Variants in GSK3A observed in about 807,000 individuals in gnomAD.
GSK3A encodes the protein glycogen synthase kinase-3 alpha.
A neutral mutation model predicts 56.6 loss-of-function variants in GSK3A; 14 were observed. The ratio of observed to expected loss-of-function variants is 0.25; its 90% CI spans 0.16 to 0.39. The LOEUF (loss-of-function observed/expected upper bound fraction) is 0.39, where lower values mean the gene tolerates loss of function less well. GSK3A is among the 10% of genes least tolerant of loss of function. GSK3A has a pLI of 1.00. For missense variants in GSK3A, 450 were observed against 656.0 expected (o/e 0.69, Z 3.43); for synonymous variants, 301 against 285.0 (o/e 1.06, Z -0.56).
At chr19:42,239,543 A>G (rs1236098910) in intron 2 of GSK3A, among the ~76,000 whole-genome samples, 1 of 152,094 alleles carries the variant, frequency 6.6e-6, no homozygotes, top group Non-Finnish European at 1.5e-5. Context: ...CTCTCCTGGG[A>G]AGAAGTGTAA....
chr19:42,237,010 C>A (rs537649231), intron 2 of GSK3A, 69 bp from the exon 3 acceptor site: 7 of 1,047,368 alleles, frequency 6.7e-6, no homozygotes, highest in South Asian at 6.3e-5. Context: ...CTCACACTCA[C>A]TCCCAACAAC....
intron 2 of GSK3A, among the ~76,000 whole-genome samples, chr19:42,239,363 C>A (rs1450407229): frequency 6.6e-6 from 1 of 152,200 alleles, no homozygotes; most frequent in African/African-American, 2.4e-5. Flanking sequence ...GCTCCAAATG[C>A]CAGGCCCTTA....
chr19:42,241,906 C>T, intron 1 of GSK3A: 3 of 349,150 alleles, frequency 8.6e-6, no homozygotes, highest in Non-Finnish European at 1.5e-5. Context: ...GATACCTGTT[C>T]TTAAGGCTCA....
In GSK3A at chr19:42,242,360, G is replaced by GGCCGCCGCC; in HGVS notation, c.97_105dup (p.Gly33_Gly35dup). The GGCCGCCGCC allele has an allele frequency of 7.1e-7, 1 of 1,405,114 alleles. No homozygotes were observed. The highest frequency in any genetic ancestry group is 9.2e-7 in the Non-Finnish European group (1 of 1,082,568). 87.0% of individuals were successfully genotyped at this position (1,405,114 alleles called of 1,614,324 possible). A position where few individuals can be genotyped will look rare whatever the true frequency, so the allele number is the denominator to read the frequency against. On this transcript the variant is annotated inframe_insertion, in exon 1 of 11. Transcript: ENST00000222330. ...CCTGGGCCGGAGGCCGAGCCTCCGG[G>GGCCGCCGCC]GCCGCCGCCGCCTCCTCCGCCTCCG...
intron 1 of GSK3A, chr19:42,240,464 A>G: frequency 1.8e-6 from 1 of 543,550 alleles, no homozygotes. Context: ...GGGAGACATC[A>G]GATGTTGACT....
rs560563143 is a variant in GSK3A at position 42,242,226 on chromosome 19, G to C, written c.240C>G (p.Pro80=). ...GCGGCGGGAAGCTAGTGCCTGCGCC[G>C]GGGCCTCCGCTGCCTCCTCCGCCGC... ...GGSGGGGSGG[P]GAGTSFPPPG... The change falls in exon 1 of 11, where the codon CCC becomes CCG. Residue 80 remains proline (P), a synonymous_variant. Coordinates refer to ENST00000222330, the MANE Select transcript of GSK3A (RefSeq NM_019884.3). The C allele has an allele frequency of 6.9e-7, 1 of 1,441,824 alleles. No homozygotes were observed. Among genetic ancestry groups the C allele is most frequent in the Non-Finnish European group, 9.1e-7 (1 of 1,102,074 alleles). 89.3% of individuals were successfully genotyped at this position (1,441,824 alleles called of 1,614,324 possible).
At chr19:42,235,299 C>T (rs989253310) in intron 4 of GSK3A, among the ~76,000 whole-genome samples, 26 of 152,164 alleles carry the variant, frequency 1.7e-4, no homozygotes, top group African/African-American at 5.3e-4. Flanking sequence ...TAAGGTACAT[C>T]GGGAGGTTGT....
rs181950614 is a variant in GSK3A at position 42,232,376 on chromosome 19, C to T, written c.1285+120G>A. 3.6e-5 allele frequency: 33 copies of T among 905,838 alleles called. 1 individual carries two copies. The highest frequency in any genetic ancestry group is 3.2e-4 in the East Asian group (12 of 37,870). The allele number at this position is 905,838 out of a possible 1,614,324, so 56.1% of individuals were successfully genotyped here. A position where few individuals can be genotyped will look rare whatever the true frequency, so the allele number is the denominator to read the frequency against. On this transcript the variant is annotated intron_variant, in intron 9 of 10. Transcript: ENST00000222330. The stretch of plus-strand genomic sequence containing the variant: ...ATCTGGGAGTCATCTTTCCTGAGCC[C>T]CAGGCCTGCCTTGTACCCTGCCCTT...
In GSK3A at chr19:42,240,072, A is replaced by C; in HGVS notation, c.354T>G (p.Ala118=). The change falls in exon 2 of 11, where the codon GCT becomes GCG. Residue 118 remains alanine (A), a synonymous_variant. Transcript: ENST00000222330. The part of the protein sequence containing the change: ...GQGPERSQEV[A]YTDIKVIGNG... ...TGCCAATCACTTTGATGTCCGTGTA[A>C]GCCACTTCTTGGGAGCGCTCTGGGC... 1 of 1,614,152 alleles carries C rather than the reference A, an allele frequency of 6.2e-7. No homozygotes were observed. The highest frequency in any genetic ancestry group is 8.5e-7 in the Non-Finnish European group (1 of 1,180,006).
At chr19:42,236,460 G>T (rs78304176) in intron 4 of GSK3A, 146 bp downstream of exon 4, 51,633 of 649,986 alleles carry the variant, frequency 0.079, 2,641 homozygotes, top group South Asian at 0.18. Flanking sequence ...GCTCCATCTC[G>T]GGGGGTTATG....
At chr19:42,240,587 A>G (rs1599813896) in intron 1 of GSK3A, 1 of 248,964 alleles carries the variant, frequency 4.0e-6, no homozygotes, top group East Asian at 8.5e-5. Flanking sequence ...TTAGGAAAGC[A>G]CTAACCTCTC....
chr19:42,236,993 C>T (rs2036261527), intron 2 of GSK3A, 52 bp from the exon 3 acceptor site: 2 of 1,258,416 alleles, frequency 1.6e-6, no homozygotes, highest in Non-Finnish European at 2.3e-6. Context: ...TCGGCTGCTC[C>T]TCCCTACTCA....
intron 2 of GSK3A, among the ~76,000 whole-genome samples, chr19:42,237,771 C>T (rs1207230762): frequency 2.6e-5 from 4 of 151,282 alleles, no homozygotes; most frequent in Non-Finnish European, 2.9e-5. Flanking sequence ...CCCAGCTACT[C>T]GGGAGGCTGA....
At chr19:42,235,439 C>T (rs1324478217) in intron 4 of GSK3A, among the ~76,000 whole-genome samples, 1 of 152,208 alleles carries the variant, frequency 6.6e-6, no homozygotes, top group East Asian at 1.9e-4. Flanking sequence ...ACTCTCCCTC[C>T]CACTGACTAG....
At chr19:42,235,510 T>C (rs1472403384) in intron 4 of GSK3A, among the ~76,000 whole-genome samples, 1 of 152,198 alleles carries the variant, frequency 6.6e-6, no homozygotes, top group Non-Finnish European at 1.5e-5. Flanking sequence ...CCCCAGGGCC[T>C]AGACAGACCA....
At chr19:42,233,250 G>GCCCCCCCCCCCCCCCCA in intron 7 of GSK3A, 36 bp downstream of exon 7, 2 of 1,565,006 alleles carry the variant, frequency 1.3e-6, no homozygotes, top group Admixed American at 1.7e-5. Context: ...CCATCCCTCA[G>GCCCCCCCCCCCCCCCCA]CCCCACCCCC....
intron 8 of GSK3A, 79 bp from the exon 9 acceptor site, chr19:42,232,761 C>A: frequency 8.2e-7 from 1 of 1,224,984 alleles, no homozygotes; most frequent in Non-Finnish European, 1.1e-6. Flanking sequence ...TGCCACAGTG[C>A]CTGCGGCAAG....
rs2036298786 is a variant in GSK3A, at chr19:42,242,347, G to A, written c.119C>T (p.Ala40Val). 1.7e-5 allele frequency: 24 copies of A among 1,420,244 alleles called. No homozygotes were observed. The highest frequency in any genetic ancestry group is 2.1e-5 in the Non-Finnish European group (23 of 1,091,190). The allele number at this position is 1,420,244 out of a possible 1,614,324, so 88.0% of individuals were successfully genotyped here. The part of the protein sequence containing the change: ...GGGGGGPGGS[A>V]SGPGGTGGGK... ...GCCGCCGGTGCCGCCTGGGCCGGAG[G>A]CCGAGCCTCCGGGGCCGCCGCCGCC... is the stretch of plus-strand genomic sequence containing the variant. The change falls in exon 1 of 11, where the codon GCC becomes GTC. Residue 40 changes from alanine to valine, a missense_variant. Physicochemically the swap from Ala to Val is moderately conservative, Grantham distance 64 (BLOSUM62 0). Around this residue, in one of 3 missense-constraint regions of GSK3A, gnomAD observed 193 missense variants for 200.5 expected, o/e 0.96. Transcript: ENST00000222330.
chr19:42,242,145 C>G, intron 1 of GSK3A, 38 bp downstream of exon 1: 3 of 1,314,470 alleles, frequency 2.3e-6, no homozygotes, highest in Non-Finnish European at 2.9e-6. Flanking sequence ...CTTTGGGAAC[C>G]CTAATCACCA....
Sources: allele counts gnomAD v4.1 joint callset (sites outside exome capture counted in the v4.1 genomes callset), GRCh38; gene constraint gnomAD v4.1.1; regional missense constraint gnomAD v4.1.1; transcripts MANE v1.5; gene names NCBI Gene and HGNC (gene_info 2026-07-23, HGNC 2026-07-21).